Variants in PLCG1 observed in about 807,000 individuals in gnomAD.
The protein encoded by PLCG1 is phospholipase C gamma 1.
In PLCG1, 71 loss-of-function variants were observed where a neutral mutation model predicts 177.8. That is an observed-to-expected ratio of 0.40 (90% CI 0.33 to 0.49). The LOEUF is 0.49. PLCG1 is among the 20% of genes least tolerant of loss of function. The pLI, the probability that PLCG1 is intolerant of heterozygous loss-of-function variation, is 0.72. For missense variants in PLCG1, 1,281 were observed against 1,709.0 expected (o/e 0.75, Z 4.42); for synonymous variants, 658 against 647.9 (o/e 1.02, Z -0.24).
In PLCG1 at chr20:41,163,561, C is replaced by CTA; in HGVS notation, c.891+82_891+83insTA. ...CCCCACCCGGGCTCCAGGAGCTAGA[C>CTA]GCTCCTTAGGGATGCCACCTTGTTT... On this transcript the variant is annotated intron_variant, in intron 9 of 31. Transcript: ENST00000685551. This position sits in a 1 kb window ranked among gnomAD's most constrained non-coding sequence, Gnocchi z 5.2. 2.6e-6 allele frequency: 3 copies of CTA among 1,142,400 alleles called. No homozygotes were observed. Among genetic ancestry groups the CTA allele is most frequent in the Non-Finnish European group, 2.6e-6 (2 of 756,512 alleles). 70.8% of individuals were successfully genotyped at this position (1,142,400 alleles called of 1,614,324 possible).
intron 22 of PLCG1, 135 bp from the exon 23 acceptor site, chr20:41,169,322 G>A (rs2035816127): frequency 1.1e-6 from 1 of 922,622 alleles, no homozygotes; most frequent in Admixed American, 1.8e-5. Flanking sequence ...CATGCACGTA[G>A]TCTCCCATAT....
chr20:41,167,984 G>A lies in PLCG1; in HGVS notation c.2379+55G>A. ...CTGGGGAGGGTCCCCAGCTGCTTGG[G>A]GCTTCATTTCTGTGTTCTGGGCCAT... On this transcript the variant is annotated intron_variant, in intron 20 of 31. Transcript: ENST00000685551. This position sits in a 1 kb window ranked among gnomAD's most constrained non-coding sequence, Gnocchi z 4.4. The A allele has an allele frequency of 8.2e-7, 1 of 1,215,388 alleles. No individual in the cohort carries two copies. Among genetic ancestry groups the A allele is most frequent in the Non-Finnish European group, 1.2e-6 (1 of 819,684 alleles). 75.3% of individuals were successfully genotyped at this position (1,215,388 alleles called of 1,614,324 possible).
At position 41,167,708 on chromosome 20, in the gene PLCG1, G is replaced by T; in HGVS notation, c.2302-144G>T. On this transcript the variant is annotated intron_variant, in intron 19 of 31. Transcript: ENST00000685551. This position sits in a 1 kb window ranked among gnomAD's most constrained non-coding sequence, Gnocchi z 4.4. ...GGCCGGGCCTGAGGCCTCTGAAGCC[G>T]TCTCTACTGAGGTCGAAGGATCCCT... 1 of 645,418 alleles carries T rather than the reference G, an allele frequency of 1.5e-6. No homozygotes were observed. The highest frequency in any genetic ancestry group is 2.8e-6 in the Non-Finnish European group (1 of 356,598). 40.0% of individuals were successfully genotyped at this position (645,418 alleles called of 1,614,324 possible). A position where few individuals can be genotyped will look rare whatever the true frequency, so the allele number is the denominator to read the frequency against.
Position 41,164,112 on chromosome 20 carries a change from A to C in PLCG1, c.1128A>C (p.Pro376=), listed in dbSNP as rs1349640301. The C allele has an allele frequency of 1.9e-6, 3 of 1,613,990 alleles. No homozygotes were observed. In the East Asian group the frequency reaches 6.7e-5, roughly 36 times the overall value. The change falls in exon 12 of 32, where the codon CCA becomes CCC. Residue 376 remains proline, a synonymous_variant. Transcript: ENST00000685551. This position sits in a 1 kb window ranked among gnomAD's most constrained non-coding sequence, Gnocchi z 6.4. ...LDCWDGPDGM[P]VIYHGHTLTT... ...GCTGGGACGGCCCGGATGGGATGCC[A>C]GTTATTTACCATGGGCACACCCTTA...
chr20:41,155,774 G>T (rs183028900), intron 1 of PLCG1, among the ~76,000 whole-genome samples: 1 of 152,244 alleles, frequency 6.6e-6, no homozygotes, highest in East Asian at 1.9e-4. Flanking sequence ...GTAGACAGGT[G>T]GGCTGTCTCC....
intron 1 of PLCG1, among the ~76,000 whole-genome samples, chr20:41,152,057 C>G (rs2035182548): frequency 6.6e-6 from 1 of 152,188 alleles, no homozygotes; most frequent in Admixed American, 6.5e-5. Context: ...TTTCAGCATC[C>G]TCTGGTGGAG....
chr20:41,173,518 G>T lies in PLCG1; in HGVS notation c.3378G>T (p.Gln1126His). 6.2e-7 allele frequency: 1 copy of T among 1,613,748 alleles called. No homozygotes were observed. Among genetic ancestry groups the T allele is most frequent in the Non-Finnish European group, 8.5e-7 (1 of 1,179,952 alleles). The change falls in exon 28 of 32, where the codon CAG (glutamine) becomes CAT (histidine). Residue 1126 changes from glutamine to histidine, a missense_variant. Physicochemically the swap from Gln to His is conservative, Grantham distance 24. Around this residue, in one of 4 missense-constraint regions of PLCG1, gnomAD observed 723 missense variants for 1,030.0 expected, o/e 0.70. Coordinates refer to ENST00000685551, the MANE Select transcript of PLCG1 (RefSeq NM_002660.3). This position sits in a 1 kb window ranked among gnomAD's most constrained non-coding sequence, Gnocchi z 6.2. ...GAGCTGAGTATGACAGCACCAAGCA[G>T]AAGACAGAGTTTGTGGGTCAGTCTG... ...VAGAEYDSTKQKTEFVVDNGL... is the reference protein window; with the variant it reads ...VAGAEYDSTKHKTEFVVDNGL...
chr20:41,172,052 T>A lies in PLCG1; in HGVS notation c.2809-141T>A. ...CAGAGCTCCCTCATTTACTGTTGGG[T>A]GTGGTGTCTGGAAGGTACAGGGGAA... On this transcript the variant is annotated intron_variant, in intron 24 of 31. Transcript: ENST00000685551. The surrounding 1 kb of genome is among the most constrained non-coding windows in gnomAD (Gnocchi z 7.0). 2.8e-6 allele frequency: 2 copies of A among 708,418 alleles called. No individual in the cohort carries two copies. Among genetic ancestry groups the A allele is most frequent in the Non-Finnish European group, 5.1e-6 (2 of 388,498 alleles). The allele number at this position is 708,418 out of a possible 1,614,324, so 43.9% of individuals were successfully genotyped here.
intron 1 of PLCG1, among the ~76,000 whole-genome samples, chr20:41,141,966 G>C (rs1883748028): frequency 6.6e-6 from 1 of 152,230 alleles, no homozygotes; most frequent in Non-Finnish European, 1.5e-5. Context: ...TTCTTGGAAT[G>C]AGGCACATTT....
chr20:41,173,792 C>T lies in PLCG1; in HGVS notation c.3535C>T (p.Pro1179Ser). Residue 1179 changes from proline to serine, a missense_variant, in exon 29 of 32, where the codon CCA (proline) becomes TCA (serine). Physicochemically the swap from Pro to Ser is moderately conservative, Grantham distance 74 (BLOSUM62 -1). Transcript: ENST00000685551. This position sits in a 1 kb window ranked among gnomAD's most constrained non-coding sequence, Gnocchi z 6.2. ...DQNFLAQATFPVKGLKTGYRA... is the reference protein window; with the variant it reads ...DQNFLAQATFSVKGLKTGYRA... ...GAATTTCCTGGCTCAGGCTACTTTC[C>T]CAGTAAAAGGCCTGAAGACAGGTGA... 1.2e-6 allele frequency: 2 copies of T among 1,613,972 alleles called. No individual in the cohort carries two copies. Among genetic ancestry groups the T allele is most frequent in the Non-Finnish European group, 1.7e-6 (2 of 1,179,870 alleles).
chr20:41,157,113 C>T lies in PLCG1; in HGVS notation c.218-2493C>T, dbSNP rs965516572. 2.0e-5 allele frequency among the ~76,000 whole-genome samples: 3 copies of T among 152,128 alleles called. No individual in the cohort carries two copies. Among genetic ancestry groups the T allele is most frequent in the African/African-American group, 4.8e-5 (2 of 41,406 alleles). On this transcript the variant is annotated intron_variant, in intron 1 of 31. Transcript: ENST00000685551. This position sits in a 1 kb window ranked among gnomAD's most constrained non-coding sequence, Gnocchi z 5.4. ...GCATTGGATGCCTGGCGTGGAGCTG[C>T]GCTATGCTTACCTGGTTCCTATCTC...
rs566956576 is a variant in PLCG1, at chr20:41,142,380, G to A, written c.217+4522G>A. Among the ~76,000 whole-genome samples, 7 of 152,360 alleles carry A rather than the reference G, an allele frequency of 4.6e-5. No homozygotes were observed. In the South Asian group the frequency reaches 1.0e-3, roughly 23 times the overall value. ...GCAGATTACACTCAGTCCTGGAGGCGACGGGAGTCAGCGGAGGCTGTTGTG... is the reference window on the plus strand; with the variant it reads ...GCAGATTACACTCAGTCCTGGAGGCAACGGGAGTCAGCGGAGGCTGTTGTG... On this transcript the variant is annotated intron_variant, in intron 1 of 31. Coordinates refer to ENST00000685551, the MANE Select transcript of PLCG1 (RefSeq NM_002660.3).
Position 41,156,818 on chromosome 20 carries a change from C to T in PLCG1, c.218-2788C>T, listed in dbSNP as rs556617638. On this transcript the variant is annotated intron_variant, in intron 1 of 31. Transcript: ENST00000685551. This position sits in a 1 kb window ranked among gnomAD's most constrained non-coding sequence, Gnocchi z 5.0. ...CCAGACTGTGCCAGACTGGATCATT[C>T]GCTCTGTCACCTGCCACCAGGGCAG... 2.6e-5 allele frequency among the ~76,000 whole-genome samples: 4 copies of T among 152,350 alleles called. No homozygotes were observed. Among genetic ancestry groups the T allele is most frequent in the South Asian group, 2.1e-4 (1 of 4,830 alleles).
chr20:41,157,377 G>C lies in PLCG1; in HGVS notation c.218-2229G>C, dbSNP rs953868770. Among the ~76,000 whole-genome samples the C allele has an allele frequency of 2.6e-5, 4 of 152,058 alleles. No individual in the cohort carries two copies. Among genetic ancestry groups the C allele is most frequent in the African/African-American group, 7.2e-5 (3 of 41,380 alleles). On this transcript the variant is annotated intron_variant, in intron 1 of 31. Coordinates refer to ENST00000685551, the MANE Select transcript of PLCG1 (RefSeq NM_002660.3). This position sits in a 1 kb window ranked among gnomAD's most constrained non-coding sequence, Gnocchi z 5.4. ...AGTTTCTGATCTAGCCATTTCCCCT[G>C]ATGGAAGCTCCTCCTTCTGTCATTG...
At chr20:41,142,392 C>T (rs115455449) in intron 1 of PLCG1, among the ~76,000 whole-genome samples, 121 of 152,330 alleles carry the variant, frequency 7.9e-4, no homozygotes, top group African/African-American at 2.6e-3. Flanking sequence ...CGGGAGTCAG[C>T]GGAGGCTGTT....
At chr20:41,152,327 C>G (rs1314400446) in intron 1 of PLCG1, among the ~76,000 whole-genome samples, 1 of 152,248 alleles carries the variant, frequency 6.6e-6, no homozygotes, top group African/African-American at 2.4e-5. Context: ...TCCCAAAGCT[C>G]TGTTAGCTTC....
At chr20:41,139,300 C>T (rs923549290) in intron 1 of PLCG1, among the ~76,000 whole-genome samples, 2 of 152,112 alleles carry the variant, frequency 1.3e-5, no homozygotes, top group East Asian at 3.8e-4. Context: ...AAGGAAGAAT[C>T]GACACTGCAA....
At chr20:41,142,242 C>T (rs539832574) in intron 1 of PLCG1, among the ~76,000 whole-genome samples, 9 of 152,282 alleles carry the variant, frequency 5.9e-5, no homozygotes, top group African/African-American at 1.9e-4. Context: ...CTGTCTGTGC[C>T]GAGGCTAAGG....
chr20:41,156,026 G>A lies in PLCG1; in HGVS notation c.218-3580G>A, dbSNP rs2035311084. Among the ~76,000 whole-genome samples, 1 of 152,186 alleles carries A rather than the reference G, an allele frequency of 6.6e-6. No individual in the cohort carries two copies. The highest frequency in any genetic ancestry group is 1.5e-5 in the Non-Finnish European group (1 of 68,026). On this transcript the variant is annotated intron_variant, in intron 1 of 31. Coordinates refer to ENST00000685551, the MANE Select transcript of PLCG1 (RefSeq NM_002660.3). The surrounding 1 kb of genome is among the most constrained non-coding windows in gnomAD (Gnocchi z 5.0). ...TCCATCAGGGCAGGGAGCAGAGCAA[G>A]GCCCCAGGATTCTGCCTGGGGCACC...
Sources: allele counts gnomAD v4.1 joint callset (sites outside exome capture counted in the v4.1 genomes callset), GRCh38; gene constraint gnomAD v4.1.1; regional missense constraint gnomAD v4.1.1; non-coding constraint Gnocchi (gnomAD v3.1); transcripts MANE v1.5; gene names NCBI Gene and HGNC (gene_info 2026-07-23, HGNC 2026-07-21).